The following ZNF44 variants were observed in gnomAD, a reference collection of about 807,000 sequenced individuals.
ZNF44 encodes zinc finger protein 44.
ZNF44 carries 9 observed loss-of-function variants against 11.7 expected under a neutral mutation model. The observed-to-expected ratio is 0.77, with a 90% CI of 0.46 to 1.35. The LOEUF is 1.35. Among genes scored for constraint, ZNF44 ranks in the 40% most tolerant of loss-of-function variants. The pLI, the probability that ZNF44 is intolerant of heterozygous loss-of-function variation, is 0.00. For missense variants in ZNF44, 696 were observed against 743.1 expected (o/e 0.94, Z 0.74); for synonymous variants, 224 against 242.7 (o/e 0.92, Z 0.72).
chr19:12,271,474 G>A (rs1358530681), downstream of ZNF44, among the ~76,000 whole-genome samples: 1 of 152,128 alleles, frequency 6.6e-6, no homozygotes, highest in Non-Finnish European at 1.5e-5. Flanking sequence ...TTGATGTCCT[G>A]TCAAGATTCA....
At chr19:12,230,101 T>A (rs1362889881) in intron 3 of ZNF44, among the ~76,000 whole-genome samples, 2 of 152,202 alleles carry the variant, frequency 1.3e-5, no homozygotes, top group Non-Finnish European at 2.9e-5. Context: ...CCATCAGCTG[T>A]CATTATCTAA....
At chr19:12,232,236 C>T (rs1916192097) in intron 2 of ZNF44, among the ~76,000 whole-genome samples, 1 of 152,266 alleles carries the variant, frequency 6.6e-6, no homozygotes. Context: ...ATCTCAGTAG[C>T]TAGAACGTAC....
In ZNF44 at chr19:12,289,277, T is replaced by C. The variant is rs565124231; in HGVS notation, c.3+5415A>G. On this transcript the variant is annotated intron_variant, in intron 1 of 3. Coordinates refer to ENST00000355684, the MANE Select transcript of ZNF44 (RefSeq NM_016264.4). ...GAGCTGTGATGGCCCCACTGCACTC[T>C]AGTCTGAGCAAGAGTGAAATTGTGT... is the stretch of plus-strand genomic sequence containing the variant. Among the ~76,000 whole-genome samples the C allele has an allele frequency of 5.9e-5, 9 of 152,206 alleles. No homozygotes were observed. The East Asian group carries it at 1.7e-3, about 29-fold the overall frequency.
At chr19:12,270,030 T>C (rs1966901921), downstream of ZNF44, among the ~76,000 whole-genome samples, 1 of 152,202 alleles carries the variant, frequency 6.6e-6, no homozygotes. Context: ...TTCACAGTTT[T>C]AATAGATTTC....
intron 5 of ZNF44, among the ~76,000 whole-genome samples, chr19:12,259,163 C>A (rs547169952): frequency 1.3e-5 from 2 of 152,280 alleles, no homozygotes; most frequent in East Asian, 3.9e-4. Flanking sequence ...GCATGAGCCA[C>A]CGCACCTGGC....
chr19:12,276,160 C>G, intron 1 of ZNF44, 78 bp from the exon 2 acceptor site: 1 of 1,550,188 alleles, frequency 6.5e-7, no homozygotes, highest in Non-Finnish European at 8.8e-7. Flanking sequence ...TCATAAACTT[C>G]CCATGATGCT....
At chr19:12,288,460 G>C (rs753746506) in intron 1 of ZNF44, among the ~76,000 whole-genome samples, 13 of 151,910 alleles carry the variant, frequency 8.6e-5, no homozygotes, top group Non-Finnish European at 1.5e-4. Flanking sequence ...CATGATTTAA[G>C]AGGCCAGGCA....
At chr19:12,256,456 G>C (rs1019644137) in intron 5 of ZNF44, among the ~76,000 whole-genome samples, 52 of 152,072 alleles carry the variant, frequency 3.4e-4, no homozygotes, top group African/African-American at 1.2e-3. Flanking sequence ...CTGCACTCCA[G>C]CCTGGGTGAC....
intron 5 of ZNF44, among the ~76,000 whole-genome samples, chr19:12,255,750 C>A (rs1484519495): frequency 6.6e-6 from 1 of 152,050 alleles, no homozygotes; most frequent in Non-Finnish European, 1.5e-5. Flanking sequence ...CTAAAGCCTA[C>A]GTAGTCTGGC....
At chr19:12,284,362 G>A (rs541150464) in intron 1 of ZNF44, 15 of 578,162 alleles carry the variant, frequency 2.6e-5, no homozygotes, top group East Asian at 7.8e-5. Context: ...GGTGCAGCGC[G>A]GGGGTCCAGA....
At chr19:12,256,554 A>C (rs555899490) in intron 5 of ZNF44, among the ~76,000 whole-genome samples, 1 of 152,008 alleles carries the variant, frequency 6.6e-6, no homozygotes, top group South Asian at 2.1e-4. Flanking sequence ...TTACCACATA[A>C]TTTTCAGGAA....
At chr19:12,256,697 C>CTTTTTT (rs950614463) in intron 5 of ZNF44, among the ~76,000 whole-genome samples, 1 of 102,812 alleles carries the variant, frequency 9.7e-6, no homozygotes, top group Non-Finnish European at 1.8e-5. Flanking sequence ...AGCAATTACT[C>CTTTTTT]TTTTTTTTTT....
intron 1 of ZNF44, among the ~76,000 whole-genome samples, chr19:12,288,774 G>GTGTATATATATATATATA (rs1555744587): frequency 2.6e-5 from 2 of 76,840 alleles, no homozygotes. Flanking sequence ...AAAAAAAAAT[G>GTGTATATATATATATATA]TATATATATA....
chr19:12,267,711 G>A (rs1917785386), downstream of ZNF44, among the ~76,000 whole-genome samples: 1 of 151,956 alleles, frequency 6.6e-6, no homozygotes. Context: ...ATTTTCAAAA[G>A]CAAGAAACTC....
At position 12,272,552 on chromosome 19, in the gene ZNF44, G is replaced by C. The variant is rs1311344454; in HGVS notation, c.1703C>G (p.Ala568Gly). Reference protein sequence around the residue: ...RPYECKHCGKAFSRSSFCREH... With the variant: ...RPYECKHCGKGFSRSSFCREH... ...TCGACAGAAACTGGAACGACTGAAG[G>C]CTTTACCACAGTGTTTACATTCATA... is the stretch of plus-strand genomic sequence containing the variant. Residue 568 changes from alanine to glycine, a missense_variant, in exon 4 of 4, where the codon GCC (alanine) becomes GGC (glycine). Transcript: ENST00000355684. The C allele has an allele frequency of 6.8e-6, 11 of 1,613,494 alleles. No individual in the cohort carries two copies. The African/African-American group carries it at 1.1e-4, about 16-fold the overall frequency.
intron 1 of ZNF44, among the ~76,000 whole-genome samples, chr19:12,282,524 C>G (rs891629858): frequency 2.0e-5 from 3 of 148,956 alleles, no homozygotes; most frequent in Non-Finnish European, 3.0e-5. Flanking sequence ...CAGGTTCAAA[C>G]AATTCTCCTG....
At chr19:12,257,038 T>C (rs1273441438) in intron 5 of ZNF44, among the ~76,000 whole-genome samples, 1 of 152,120 alleles carries the variant, frequency 6.6e-6, no homozygotes, top group African/African-American at 2.4e-5. Flanking sequence ...GCCATGCCTG[T>C]GCTCCTGAAG....
intron 5 of ZNF44, among the ~76,000 whole-genome samples, chr19:12,258,116 G>A (rs556674978): frequency 1.2e-4 from 17 of 136,520 alleles, no homozygotes; most frequent in African/African-American, 4.2e-4. Flanking sequence ...TTGAGCCCAG[G>A]AGTTCAAGAC....
At chr19:12,268,877 G>A (rs1257519461), downstream of ZNF44, among the ~76,000 whole-genome samples, 1 of 151,910 alleles carries the variant, frequency 6.6e-6, no homozygotes, top group Non-Finnish European at 1.5e-5. Flanking sequence ...CCGAATAGCT[G>A]AGACTACAGG....
Sources: gnomAD v4.1 joint callset for allele counts (sites outside exome capture counted in the v4.1 genomes callset) on GRCh38, gnomAD v4.1.1 for gene constraint, MANE v1.5 for transcripts, NCBI Gene and HGNC (gene_info 2026-07-23, HGNC 2026-07-21) for gene names.